Variants in PDLIM2 observed in about 807,000 individuals in gnomAD.
PDLIM2 encodes PDZ and LIM domain protein 2.
PDLIM2 carries 51 observed loss-of-function variants against 54.1 expected under a neutral mutation model. The ratio of observed to expected loss-of-function variants is 0.94; its 90% CI spans 0.75 to 1.19. The LOEUF (loss-of-function observed/expected upper bound fraction) is 1.19, where lower values mean the gene tolerates loss of function less well. PDLIM2 is among the 50% of genes most tolerant of loss of function. The pLI, the probability that PDLIM2 is intolerant of heterozygous loss-of-function variation, is 0.00. For synonymous variants in PDLIM2, 398 were observed against 385.6 expected (o/e 1.03, Z -0.38); for missense variants, 912 against 874.0 (o/e 1.04, Z -0.55).
At chr8:22,582,802 G>A (rs182083202) in intron 3 of PDLIM2, among the ~76,000 whole-genome samples, 8 of 151,864 alleles carry the variant, frequency 5.3e-5, no homozygotes, top group South Asian at 4.2e-4. Flanking sequence ...GGATGGTCTC[G>A]ATCTCCTGAC....
chr8:22,581,574 C>T (rs755195071), intron 3 of PDLIM2, 44 bp downstream of exon 2: 3 of 1,528,388 alleles, frequency 2.0e-6, no homozygotes, highest in South Asian at 2.5e-5. Context: ...TCCCCCTCCT[C>T]CACCACCCCA....
intron 3 of PDLIM2, among the ~76,000 whole-genome samples, chr8:22,582,096 C>T (rs1800220316): frequency 6.6e-6 from 1 of 152,190 alleles, no homozygotes; most frequent in African/African-American, 2.4e-5. Flanking sequence ...GGCCTGGAGG[C>T]CAAGCTATAG....
chr8:22,581,473 C>T lies in PDLIM2; in HGVS notation c.938C>T (p.Ala313Val), dbSNP rs1337630752. 6.2e-6 allele frequency: 10 copies of T among 1,605,868 alleles called. No homozygotes were observed. The highest frequency in any genetic ancestry group is 8.5e-6 in the Non-Finnish European group (10 of 1,178,028). ...GAAAGCGCGGAGGGCATGCTGCATG[C>T]CGAGGCCCAGAGCAAGATCCGCCAG... Residue 313 changes from alanine to valine, a missense_variant, in exon 3 of 10, where the codon GCC becomes GTC. By Grantham distance (64) the Ala-to-Val change is moderately conservative. Coordinates refer to ENST00000308354, the Ensembl canonical transcript of PDLIM2.
chr8:22,585,678 T>TCCCCTCCCCC, intron 6 of PDLIM2: 1 of 6,452 alleles, frequency 1.5e-4, no homozygotes, highest in Non-Finnish European at 2.7e-4. Context: ...GCTGACTTCC[T>TCCCCTCCCCC]CCCTGCCCAG....
intron 6 of PDLIM2, 51 bp from the exon 6 acceptor site, chr8:22,589,247 T>A: frequency 6.5e-7 from 1 of 1,526,800 alleles, no homozygotes; most frequent in Non-Finnish European, 8.8e-7. Flanking sequence ...CCTGGGTGTG[T>A]TGGCCCAAGG....
rs1166740930 is a variant in PDLIM2, at chr8:22,579,262, C to G, written c.483C>G (p.Ala161=). The change falls in exon 1 of 10, where the codon GCC becomes GCG. Residue 161 remains alanine (A), a synonymous_variant. Coordinates refer to ENST00000308354, the Ensembl canonical transcript of PDLIM2. ...ACCTGCGCCTCTCCGCGCGGCCCGC[C>G]CTCCCCGGCGCCGGGCTCCTCTCCG... 3 of 1,358,244 alleles carry G rather than the reference C, an allele frequency of 2.2e-6. No homozygotes were observed. The African/African-American group carries it at 4.6e-5, about 21-fold the overall frequency. The allele number at this position is 1,358,244 out of a possible 1,614,324, so 84.1% of individuals were successfully genotyped here.
Position 22,585,325 on chromosome 8 carries a change from CAG to C in PDLIM2, c.1219_1220del (p.Leu408GlyfsTer10), listed in dbSNP as rs1800343409. 1 of 1,612,878 alleles carries C rather than the reference CAG, an allele frequency of 6.2e-7. No individual in the cohort carries two copies. The highest frequency in any genetic ancestry group is 1.3e-5 in the African/African-American group (1 of 74,926). On this transcript the variant is annotated frameshift_variant, in exon 6 of 10. Coordinates refer to ENST00000308354, the Ensembl canonical transcript of PDLIM2. LOFTEE classifies it high-confidence loss of function. Reference sequence around the variant, plus strand: ...CTGTCCCTTTCCCACTTTCAGCTTCCAGAGTCTGGCATGTTCCCCGGGCCTCC... The same window carrying C: ...CTGTCCCTTTCCCACTTTCAGCTTCCAGTCTGGCATGTTCCCCGGGCCTCC...
At chr8:22,579,308 C>T in exon 1 of PDLIM2, 2 of 1,422,026 alleles carry the variant, frequency 1.4e-6, no homozygotes, top group Non-Finnish European at 1.8e-6. Flanking sequence ...GGCGCGGAAC[C>T]CTGGCCTCGT....
chr8:22,585,501 C>T (rs1224915867), intron 6 of PDLIM2, 102 bp downstream of exon 5: 3 of 1,148,060 alleles, frequency 2.6e-6, no homozygotes, highest in Non-Finnish European at 3.8e-6. Context: ...CCCACCTGGG[C>T]AGCCATGGCC....
At chr8:22,595,323 C>A (rs1220732719), downstream of PDLIM2, 1 of 152,198 alleles carries the variant, frequency 6.6e-6, no homozygotes, top group East Asian at 1.9e-4. Context: ...TAGAAAAGAT[C>A]AAGGCTGTCT....
chr8:22,594,617 A>G (rs571732117), downstream of PDLIM2: 2 of 1,613,908 alleles, frequency 1.2e-6, no homozygotes, highest in African/African-American at 2.7e-5. Flanking sequence ...GGACAGGAGG[A>G]AGACCAGGAG....
chr8:22,581,529 C>T (rs775235384), exon 3 of PDLIM2: 14 of 1,574,946 alleles, frequency 8.9e-6, no homozygotes, highest in South Asian at 2.3e-5. Flanking sequence ...GCAGCTGGAC[C>T]GGTAGGGCCT....
rs371573566 is a variant in PDLIM2, at chr8:22,584,954, C to A, written c.1066-63C>A. The A allele has an allele frequency of 1.1e-4, 179 of 1,613,650 alleles. No homozygotes were observed. The African/African-American group carries it at 1.9e-3, about 17-fold the overall frequency. On this transcript the variant is annotated intron_variant, in intron 4 of 9. Transcript: ENST00000308354. ...ATCACTGGTGCATGAAAGTGAGGCC[C>A]GAGGGCAGGGCGGCCTTGGCGGGGC...
chr8:22,585,487 C>A lies in PDLIM2; in HGVS notation c.1290+88C>A, dbSNP rs1321362472. ...CCAGTGCCCCGGGACTGCAGGCGGC[C>A]AGGCCCACCTGGGCAGCCATGGCCT... On this transcript the variant is annotated intron_variant, in intron 6 of 9. Transcript: ENST00000308354. 16 of 1,324,788 alleles carry A rather than the reference C, an allele frequency of 1.2e-5. No individual in the cohort carries two copies. The Admixed American group carries it at 3.1e-4, about 25-fold the overall frequency. 82.1% of individuals were successfully genotyped at this position (1,324,788 alleles called of 1,614,324 possible).
intron 7 of PDLIM2, 110 bp from the exon 7 acceptor site, chr8:22,589,486 C>T (rs1454434957): frequency 4.6e-6 from 7 of 1,528,224 alleles, no homozygotes; most frequent in Non-Finnish European, 6.2e-6. Flanking sequence ...TTGGCTCCTC[C>T]ACCTCCCAGA....
chr8:22,579,640 A>G, intron 1 of PDLIM2: 1 of 1,221,088 alleles, frequency 8.2e-7, no homozygotes, highest in Non-Finnish European at 1.1e-6. Flanking sequence ...GATGGAGCGG[A>G]CAGACCGCTG....
In PDLIM2 at chr8:22,579,982, G is replaced by A. The variant is rs932269979; in HGVS notation, c.748+455G>A. 2.6e-5 allele frequency among the ~76,000 whole-genome samples: 4 copies of A among 152,284 alleles called. No homozygotes were observed. The East Asian group carries it at 5.8e-4, about 22-fold the overall frequency. ...GGAGGTGGGGAGCCCGGTCTTGCCC[G>A]TGTGATCCACTTTGCCAAGAACGAG... On this transcript the variant is annotated intron_variant, in intron 1 of 9. Transcript: ENST00000308354.
At chr8:22,582,909 A>AC (rs1307370816) in intron 3 of PDLIM2, among the ~76,000 whole-genome samples, 3,625 of 37,088 alleles carry the variant, frequency 0.098, 116 homozygotes, top group East Asian at 0.18. Flanking sequence ...CGTGATGCCC[A>AC]CCCCCCCCCC....
chr8:22,580,268 T>G, intron 1 of PDLIM2: 2 of 373,898 alleles, frequency 5.3e-6, no homozygotes, highest in South Asian at 2.4e-5. Context: ...ACTGAGGGGG[T>G]GCTGGCATCC....
Sources: gnomAD v4.1 joint callset for allele counts (sites outside exome capture counted in the v4.1 genomes callset) on GRCh38, gnomAD v4.1.1 for gene constraint, MANE v1.5 for transcripts, NCBI Gene and HGNC (gene_info 2026-07-23, HGNC 2026-07-21) for gene names.